The following COL22A1 variants were observed in gnomAD, a reference collection of about 807,000 sequenced individuals.
COL22A1 encodes collagen type XXII alpha 1 chain.
Under a neutral mutation model 248.9 loss-of-function variants are expected in COL22A1, and 221 were observed. The observed-to-expected ratio is 0.89, with a 90% CI of 0.80 to 0.99. The LOEUF is 0.99. Ranked by LOEUF, COL22A1 falls within the 50% of genes least tolerant of loss-of-function variation. The probability of loss-of-function intolerance (pLI) is 0.00; values close to 1 mark genes in which losing one functional copy is unlikely to be tolerated. For missense variants in COL22A1, 2,240 were observed against 2,179.0 expected (o/e 1.03, Z -0.56); for synonymous variants, 891 against 793.4 (o/e 1.12, Z -2.07).
chr8:138,774,237 A>G (rs1362691967), intron 16 of COL22A1, among the ~76,000 whole-genome samples: 1 of 152,178 alleles, frequency 6.6e-6, no homozygotes, highest in African/African-American at 2.4e-5. Context: ...GAACGAGGCC[A>G]GTCCCCGCCT....
rs150655143 is a variant in COL22A1, at chr8:138,878,188, G to A, written c.220C>T (p.Arg74Cys). The A allele has an allele frequency of 3.0e-5, 48 of 1,601,288 alleles. No individual in the cohort carries two copies. In the Admixed American group the frequency reaches 6.0e-4, roughly 20 times the overall value. The change falls in exon 3 of 65, where the codon CGC becomes TGC. Residue 74 changes from arginine (R) to cysteine (C), a missense_variant. Transcript: ENST00000303045. The part of the protein sequence containing the change: ...LVDTFEVGPD[R>C]TRVGVVRYSD... ...TAGCGCACGACCCCCACACGGGTGCGGTCGGGGCCCACCTCGAAGGTGTCC... is the reference window on the plus strand; with the variant it reads ...TAGCGCACGACCCCCACACGGGTGCAGTCGGGGCCCACCTCGAAGGTGTCC...
At position 138,755,029 on chromosome 8, in the gene COL22A1, C is replaced by T. The variant is rs137968654; in HGVS notation, c.2031+128G>A. 386 of 908,122 alleles carry T rather than the reference C, an allele frequency of 4.3e-4. 1 individual carries two copies. The African/African-American group carries it at 4.8e-3, about 11-fold the overall frequency. 56.3% of individuals were successfully genotyped at this position (908,122 alleles called of 1,614,324 possible). On this transcript the variant is annotated intron_variant, in intron 21 of 64. Coordinates refer to ENST00000303045, the MANE Select transcript of COL22A1 (RefSeq NM_152888.3). ...GTGAGACGTGACCACAACAGCACAA[C>T]CCACTCAGGTGATGTGAAGGCGCTT...
chr8:138,645,630 T>C (rs114040484), intron 47 of COL22A1, among the ~76,000 whole-genome samples: 59 of 152,300 alleles, frequency 3.9e-4, no homozygotes, highest in African/African-American at 1.4e-3. Context: ...TGTAGGCTCA[T>C]AGTTTTCATA....
chr8:138,607,921 C>T lies in COL22A1; in HGVS notation c.4032+15G>A, dbSNP rs759513672. On this transcript the variant is annotated intron_variant, in intron 57 of 64. Transcript: ENST00000303045. ...CCACCCTGATGCCATCACATAGCAG[C>T]CAAAGAGAACTCACAGGGGTTCCTG... is the stretch of plus-strand genomic sequence containing the variant. The T allele has an allele frequency of 1.9e-6, 3 of 1,613,482 alleles. No homozygotes were observed. The highest frequency in any genetic ancestry group is 1.7e-6 in the Non-Finnish European group (2 of 1,179,654).
At chr8:138,857,374 A>T (rs1428103130) in intron 3 of COL22A1, among the ~76,000 whole-genome samples, 2 of 152,200 alleles carry the variant, frequency 1.3e-5, no homozygotes, top group East Asian at 3.9e-4. Flanking sequence ...GGCCCCTCAC[A>T]TGACCACACC....
intron 50 of COL22A1, among the ~76,000 whole-genome samples, chr8:138,630,145 C>A (rs758180968): frequency 1.3e-5 from 2 of 152,164 alleles, no homozygotes; most frequent in African/African-American, 4.8e-5. Flanking sequence ...GTGGTTCTGG[C>A]AGCTTCAAGA....
chr8:138,726,092 C>G (rs1830285188), intron 23 of COL22A1, among the ~76,000 whole-genome samples: 1 of 152,034 alleles, frequency 6.6e-6, no homozygotes, highest in Non-Finnish European at 1.5e-5. Context: ...GGGCCAGGAA[C>G]AGAAGCAGGT....
chr8:138,879,793 A>G (rs983313255), intron 2 of COL22A1, among the ~76,000 whole-genome samples: 2 of 152,052 alleles, frequency 1.3e-5, no homozygotes, highest in African/African-American at 4.8e-5. Context: ...AAACAGAAGC[A>G]GAGGACCAGG....
At chr8:138,625,429 G>T (rs1320930470) in intron 51 of COL22A1, among the ~76,000 whole-genome samples, 1 of 152,170 alleles carries the variant, frequency 6.6e-6, no homozygotes, top group Non-Finnish European at 1.5e-5. Context: ...AGGCCAAAGA[G>T]CCACAGAAGA....
At chr8:138,873,839 T>C (rs940232955) in intron 3 of COL22A1, among the ~76,000 whole-genome samples, 5 of 152,218 alleles carry the variant, frequency 3.3e-5, no homozygotes, top group African/African-American at 1.2e-4. Flanking sequence ...TGAATGGCTG[T>C]TTTAATGCAT....
intron 2 of COL22A1, among the ~76,000 whole-genome samples, chr8:138,879,390 TCAA>T (rs1161576706): frequency 6.6e-6 from 1 of 152,046 alleles, no homozygotes; most frequent in Non-Finnish European, 1.5e-5. Context: ...CAAGGAACTA[TCAA>T]GAAGCCCTGG....
intron 47 of COL22A1, among the ~76,000 whole-genome samples, chr8:138,644,682 T>C (rs11786621): frequency 0.88 from 133,283 of 152,258 alleles, 58,972 homozygotes; most frequent in East Asian, 0.96. Context: ...ATGCTGCCAT[T>C]TTTTGAACAC....
chr8:138,783,835 G>C (rs1440068698), intron 12 of COL22A1, among the ~76,000 whole-genome samples: 1 of 152,194 alleles, frequency 6.6e-6, no homozygotes, highest in Admixed American at 6.5e-5. Flanking sequence ...TTCCTTTACA[G>C]TGGGTTTTCT....
intron 17 of COL22A1, 52 bp from the exon 18 acceptor site, chr8:138,760,339 G>T: frequency 1.3e-6 from 2 of 1,532,932 alleles, no homozygotes; most frequent in Non-Finnish European, 1.8e-6. Flanking sequence ...GGATACGGTG[G>T]TGGGGTGTTG....
At position 138,630,706 on chromosome 8, in the gene COL22A1, G is replaced by T. The variant is rs1163144859; in HGVS notation, c.3652C>A (p.Gln1218Lys). ...IAGAAGPPGIQGSPGKEGPPG... is the reference protein window; with the variant it reads ...IAGAAGPPGIKGSPGKEGPPG... ...CTTGAGGAACTTACAGGTGACCCTT[G>T]GATTCCTGGTGGTCCAGCAGCTCCT... Residue 1218 changes from glutamine to lysine, a missense_variant, in exon 50 of 65, where the codon CAA (glutamine) becomes AAA (lysine). By Grantham distance (53) the Gln-to-Lys change is moderately conservative. Coordinates refer to ENST00000303045, the MANE Select transcript of COL22A1 (RefSeq NM_152888.3). The T allele has an allele frequency of 1.2e-6, 2 of 1,613,774 alleles. No individual in the cohort carries two copies. Among genetic ancestry groups the T allele is most frequent in the East Asian group, 4.5e-5 (2 of 44,872 alleles).
At chr8:138,671,336 C>T (rs1002449087) in intron 41 of COL22A1, among the ~76,000 whole-genome samples, 2 of 152,104 alleles carry the variant, frequency 1.3e-5, no homozygotes, top group East Asian at 1.9e-4. Flanking sequence ...TACATGGCAC[C>T]GTGGCTGTTG....
intron 4 of COL22A1, among the ~76,000 whole-genome samples, chr8:138,839,984 A>T (rs1820752021): frequency 6.6e-6 from 1 of 152,234 alleles, no homozygotes; most frequent in Non-Finnish European, 1.5e-5. Flanking sequence ...GCTGGTGAGC[A>T]GCAGGGCCAT....
intron 27 of COL22A1, 73 bp from the exon 28 acceptor site, chr8:138,716,942 C>T: frequency 8.8e-7 from 1 of 1,133,112 alleles, no homozygotes; most frequent in Non-Finnish European, 1.3e-6. Context: ...TCCCAGTTGT[C>T]CTCACACATT....
intron 32 of COL22A1, among the ~76,000 whole-genome samples, chr8:138,698,099 C>T (rs1041517599): frequency 6.6e-6 from 1 of 152,126 alleles, no homozygotes; most frequent in Non-Finnish European, 1.5e-5. Context: ...AGAGGCTGGA[C>T]ATGTAGGCTT....
Sources: gnomAD v4.1 joint callset for allele counts (sites outside exome capture counted in the v4.1 genomes callset) on GRCh38, gnomAD v4.1.1 for gene constraint, MANE v1.5 for transcripts, NCBI Gene and HGNC (gene_info 2026-07-23, HGNC 2026-07-21) for gene names.